The following AHCYL1 variants were observed in gnomAD, a reference collection of about 807,000 sequenced individuals.
The protein encoded by AHCYL1 is S-adenosylhomocysteine hydrolase-like protein 1.
Under a neutral mutation model 79.3 loss-of-function variants are expected in AHCYL1, and 20 were observed. The ratio of observed to expected loss-of-function variants is 0.25; its 90% CI spans 0.18 to 0.37. The LOEUF is 0.37. AHCYL1 is among the 10% of genes least tolerant of loss of function. The pLI is 1.00. For missense variants in AHCYL1, 330 were observed against 673.6 expected, an observed-to-expected ratio of 0.49 and a Z score of 5.65; for synonymous variants, 223 against 242.2, an observed-to-expected ratio of 0.92 and a Z score of 0.74.
At chr1:110,008,413 T>A (rs529169379) in intron 1 of AHCYL1, among the ~76,000 whole-genome samples, 1 of 152,190 alleles carries the variant, frequency 6.6e-6, no homozygotes, top group Non-Finnish European at 1.5e-5. Context: ...GGGTTTTTAA[T>A]TTTCTTTTTA....
At chr1:110,012,764 C>T (rs1279315591) in intron 4 of AHCYL1, 133 bp from the exon 5 acceptor site, 8 of 626,592 alleles carry the variant, frequency 1.3e-5, no homozygotes, top group African/African-American at 3.7e-5. Flanking sequence ...CGCTGGAGTA[C>T]ACCCTTTTGT....
chr1:110,013,686 G>A (rs1304674061), intron 5 of AHCYL1, among the ~76,000 whole-genome samples: 1 of 151,920 alleles, frequency 6.6e-6, no homozygotes, highest in Non-Finnish European at 1.5e-5. Flanking sequence ...CTGCAGCCTG[G>A]GCGACAGAGT....
chr1:110,000,866 G>T, intron 1 of AHCYL1: 1 of 779,240 alleles, frequency 1.3e-6, no homozygotes, highest in Non-Finnish European at 1.6e-6. Flanking sequence ...ATGCAACATT[G>T]AAAGGATTCT....
chr1:110,018,947 A>G (rs1570893959), intron 13 of AHCYL1, 104 bp from the exon 14 acceptor site: 4 of 1,059,998 alleles, frequency 3.8e-6, no homozygotes, highest in East Asian at 2.4e-5. Flanking sequence ...TCCTCTTCCA[A>G]CTGAGTCTAG....
rs77346599 is a variant in AHCYL1 at position 110,023,550 on chromosome 1, G to C, written c.*1870G>C. 6.6e-6 allele frequency: 1 copy of C among 152,042 alleles called. No individual in the cohort carries two copies. Among genetic ancestry groups the C allele is most frequent in the Admixed American group, 6.6e-5 (1 of 15,214 alleles). 9.4% of individuals were successfully genotyped at this position (152,042 alleles called of 1,614,324 possible). On this transcript the variant is annotated 3_prime_UTR_variant, in exon 17 of 17. Coordinates refer to ENST00000369799, the MANE Select transcript of AHCYL1 (RefSeq NM_006621.7). ...GTGTCCATAGGAATAATAGGTAAGG[G>C]CTCTGTCTCTGTCAAGCCATGTAAC...
intron 6 of AHCYL1, 61 bp downstream of exon 6, chr1:110,014,918 A>C: frequency 6.8e-7 from 1 of 1,480,638 alleles, no homozygotes; most frequent in South Asian, 1.1e-5. Flanking sequence ...TTTCCCTCAA[A>C]GCATGGTTCC....
At chr1:109,992,368 C>T (rs913889396) in intron 1 of AHCYL1, among the ~76,000 whole-genome samples, 16 of 148,998 alleles carry the variant, frequency 1.1e-4, no homozygotes, top group African/African-American at 3.3e-4. Flanking sequence ...CAAGATCGCA[C>T]CACTGTACTC....
chr1:110,010,079 T>C (rs1057391453), intron 2 of AHCYL1, among the ~76,000 whole-genome samples: 1 of 152,184 alleles, frequency 6.6e-6, no homozygotes, highest in African/African-American at 2.4e-5. Context: ...AAAAGTGGTG[T>C]GTGACAAGCA....
intron 1 of AHCYL1, among the ~76,000 whole-genome samples, chr1:109,996,131 C>A (rs932762014): frequency 1.4e-4 from 22 of 152,222 alleles, no homozygotes; most frequent in Non-Finnish European, 2.6e-4. Context: ...CGCTTGAACC[C>A]ATGGGGCGGA....
chr1:110,018,167 T>TA (rs1399934784), intron 11 of AHCYL1, 151 bp downstream of exon 11: 3 of 1,047,038 alleles, frequency 2.9e-6, no homozygotes, highest in Non-Finnish European at 4.1e-6. Context: ...TTTTCCAGAG[T>TA]AAAAAACTTT....
intron 1 of AHCYL1, among the ~76,000 whole-genome samples, chr1:109,992,043 C>G (rs917065815): frequency 6.6e-6 from 1 of 151,958 alleles, no homozygotes; most frequent in Admixed American, 6.6e-5. Context: ...GCTTTTGGGC[C>G]ATGACCTGTT....
chr1:109,995,575 T>C, intron 1 of AHCYL1: 1 of 719,908 alleles, frequency 1.4e-6, no homozygotes, highest in South Asian at 6.3e-5. Flanking sequence ...ATCTAATGCA[T>C]TTGTTCCCTG....
At chr1:110,000,821 A>T (rs1293132828) in intron 1 of AHCYL1, 5 of 409,322 alleles carry the variant, frequency 1.2e-5, no homozygotes, top group Non-Finnish European at 1.6e-5. Flanking sequence ...ACTTAGCCCC[A>T]ACCCCTGTTC....
intron 15 of AHCYL1, among the ~76,000 whole-genome samples, chr1:110,020,193 A>G (rs963600541): frequency 1.3e-5 from 2 of 152,158 alleles, no homozygotes; most frequent in African/African-American, 4.8e-5. Context: ...CTTACTTCAG[A>G]CTTTTTTTTC....
chr1:110,017,925 T>C (rs1281853924), intron 10 of AHCYL1, 21 bp from the exon 11 acceptor site: 1 of 1,613,190 alleles, frequency 6.2e-7, no homozygotes, highest in Non-Finnish European at 8.5e-7. Context: ...TTACTCATAG[T>C]GTTCCTTTCT....
intron 15 of AHCYL1, 58 bp downstream of exon 15, chr1:110,019,684 G>A: frequency 6.7e-7 from 1 of 1,484,758 alleles, no homozygotes; most frequent in Non-Finnish European, 9.2e-7. Context: ...TAAAATGACT[G>A]CCATGAAAGG....
chr1:110,005,854 C>T (rs1385032872), intron 1 of AHCYL1, among the ~76,000 whole-genome samples: 1 of 152,068 alleles, frequency 6.6e-6, no homozygotes, highest in Non-Finnish European at 1.5e-5. Flanking sequence ...TCTCTGATCC[C>T]CTTCTCTTGG....
At chr1:110,011,749 G>C (rs1651049720) in intron 3 of AHCYL1, among the ~76,000 whole-genome samples, 1 of 152,232 alleles carries the variant, frequency 6.6e-6, no homozygotes, top group Non-Finnish European at 1.5e-5. Context: ...GGGTTTTAAG[G>C]TAAGGATGTG....
chr1:110,011,427 T>G (rs897033288), intron 3 of AHCYL1, 70 bp downstream of exon 3: 16 of 1,583,826 alleles, frequency 1.0e-5, no homozygotes, highest in African/African-American at 2.7e-5. Context: ...CACAAACAAC[T>G]TAAGACTTGA....
Sources: allele counts gnomAD v4.1 joint callset (sites outside exome capture counted in the v4.1 genomes callset), GRCh38; gene constraint gnomAD v4.1.1; transcripts MANE v1.5; gene names NCBI Gene and HGNC (gene_info 2026-07-23, HGNC 2026-07-21).